The following MOGAT1 variants were observed in gnomAD, a reference collection of about 807,000 sequenced individuals.
MOGAT1 encodes the protein 2-acylglycerol O-acyltransferase 1.
MOGAT1 carries 32 observed loss-of-function variants against 31.4 expected under a neutral mutation model. The observed-to-expected ratio is 1.02, with a 90% CI of 0.77 to 1.37. The LOEUF is 1.37. MOGAT1 is among the 40% of genes most tolerant of loss of function. The probability of loss-of-function intolerance (pLI) is 0.00; values close to 1 mark genes in which losing one functional copy is unlikely to be tolerated. For synonymous variants in MOGAT1, 145 were observed against 144.5 expected, an observed-to-expected ratio of 1.00 and a Z score of -0.03; for missense variants, 426 against 402.0, an observed-to-expected ratio of 1.06 and a Z score of -0.51.
intron 1 of MOGAT1, among the ~76,000 whole-genome samples, chr2:222,677,281 CAT>C (rs1218999980): frequency 4.6e-5 from 7 of 152,246 alleles, no homozygotes; most frequent in Admixed American, 6.5e-5. Context: ...TGCTCATAAA[CAT>C]ATAAAAATAC....
chr2:222,704,660 A>T (rs909433806), intron 5 of MOGAT1, among the ~76,000 whole-genome samples: 1 of 152,094 alleles, frequency 6.6e-6, no homozygotes, highest in Non-Finnish European at 1.5e-5. Context: ...ATTTGCAATA[A>T]CTCACTATGG....
At chr2:222,699,715 G>A (rs1408860847) in intron 5 of MOGAT1, among the ~76,000 whole-genome samples, 2 of 151,724 alleles carry the variant, frequency 1.3e-5, no homozygotes, top group Non-Finnish European at 1.5e-5. Flanking sequence ...AGCCAGGATG[G>A]TCTTGATCTC....
At chr2:222,689,871 G>C (rs1469216001) in intron 3 of MOGAT1, among the ~76,000 whole-genome samples, 2 of 152,232 alleles carry the variant, frequency 1.3e-5, no homozygotes, top group Non-Finnish European at 2.9e-5. Flanking sequence ...AATGGAAAAT[G>C]TCTTTCATTG....
At chr2:222,681,962 C>A (rs956331966) in intron 1 of MOGAT1, among the ~76,000 whole-genome samples, 14 of 152,128 alleles carry the variant, frequency 9.2e-5, no homozygotes, top group Non-Finnish European at 1.9e-4. Context: ...AACAATACTG[C>A]GTTATATACT....
At chr2:222,684,532 A>G (rs1162705553) in intron 1 of MOGAT1, among the ~76,000 whole-genome samples, 1 of 152,200 alleles carries the variant, frequency 6.6e-6, no homozygotes, top group Non-Finnish European at 1.5e-5. Flanking sequence ...GCAAAATATC[A>G]AAGTGTATCA....
At chr2:222,678,896 G>A (rs1458190573) in intron 1 of MOGAT1, among the ~76,000 whole-genome samples, 9 of 152,102 alleles carry the variant, frequency 5.9e-5, no homozygotes, top group African/African-American at 1.2e-4. Flanking sequence ...AGCTGAGATC[G>A]TGCCATTGCA....
intron 1 of MOGAT1, among the ~76,000 whole-genome samples, chr2:222,687,665 C>T (rs1692694206): frequency 6.6e-6 from 1 of 152,210 alleles, no homozygotes; most frequent in South Asian, 2.1e-4. Context: ...CTCATTATCA[C>T]ATGTTGCAAG....
intron 3 of MOGAT1, among the ~76,000 whole-genome samples, chr2:222,694,116 G>A (rs969544509): frequency 1.1e-4 from 17 of 152,136 alleles, no homozygotes; most frequent in Admixed American, 8.5e-4. Context: ...CAAACAAGTG[G>A]TAGACCTAGT....
chr2:222,696,417 A>T (rs1330374647), intron 5 of MOGAT1, among the ~76,000 whole-genome samples: 2 of 152,074 alleles, frequency 1.3e-5, no homozygotes, highest in African/African-American at 4.8e-5. Flanking sequence ...CTGCATCCAC[A>T]CCAACATCTA....
intron 5 of MOGAT1, among the ~76,000 whole-genome samples, chr2:222,701,968 A>T (rs1692936480): frequency 6.6e-6 from 1 of 152,224 alleles, no homozygotes; most frequent in Admixed American, 6.5e-5. Flanking sequence ...TATTATGGGG[A>T]TTAAATGTCA....
chr2:222,689,317 AC>A lies in MOGAT1; in HGVS notation c.331del (p.His111MetfsTer3), dbSNP rs1692724285. On this transcript the variant is annotated frameshift_variant, in exon 3 of 6. Coordinates refer to ENST00000446656, the MANE Select transcript of MOGAT1 (RefSeq NM_058165.3). LOFTEE classifies it high-confidence loss of function. ...DPSHNYIFGF[H>X]PHGIMAVGAF... The stretch of plus-strand genomic sequence containing the variant: ...AGTCACAACTATATATTTGGGTTTC[AC>A]CCCCATGGAATAATGGCAGTTGGAG... The A allele has an allele frequency of 1.9e-6, 3 of 1,613,996 alleles. No individual in the cohort carries two copies. The African/African-American group carries it at 4.0e-5, about 22-fold the overall frequency.
At chr2:222,684,605 C>G (rs1217832468) in intron 1 of MOGAT1, among the ~76,000 whole-genome samples, 1 of 152,004 alleles carries the variant, frequency 6.6e-6, no homozygotes, top group Non-Finnish European at 1.5e-5. Context: ...GAGACAGAGT[C>G]TTGCCCTGTC....
At chr2:222,695,764 A>ATT (rs543512528) in intron 5 of MOGAT1, among the ~76,000 whole-genome samples, 5 of 149,262 alleles carry the variant, frequency 3.3e-5, no homozygotes, top group Non-Finnish European at 7.4e-5. Flanking sequence ...CTATAGACTT[A>ATT]TTTTTTTTTT....
chr2:222,694,480 G>T lies in MOGAT1; in HGVS notation c.597G>T (p.Lys199Asn). Residue 199 changes from lysine to asparagine, a missense_variant, in exon 4 of 6, where the codon AAG (lysine) becomes AAT (asparagine). By Grantham distance (94) the Lys-to-Asn change is moderately conservative. Coordinates refer to ENST00000446656, the MANE Select transcript of MOGAT1 (RefSeq NM_058165.3). ...AATCACTGGATGCTCATCCTGGAAA[G>T]TTCACTCTGTTCATCCGCCAGCGGA... ...AKESLDAHPG[K>N]FTLFIRQRKG... The T allele has an allele frequency of 1.9e-6, 3 of 1,613,936 alleles. No individual in the cohort carries two copies. The highest frequency in any genetic ancestry group is 2.5e-6 in the Non-Finnish European group (3 of 1,179,852).
At chr2:222,690,377 T>G (rs962291981) in intron 3 of MOGAT1, among the ~76,000 whole-genome samples, 3 of 151,924 alleles carry the variant, frequency 2.0e-5, no homozygotes. Flanking sequence ...CTTGCCAACA[T>G]AGTGAAACCC....
At chr2:222,698,649 G>C (rs1692872340) in intron 5 of MOGAT1, 1 of 152,222 alleles carries the variant, frequency 6.6e-6, no homozygotes, top group South Asian at 2.1e-4. Flanking sequence ...GTTCAGGGAG[G>C]CTAATGGAGG....
intron 3 of MOGAT1, among the ~76,000 whole-genome samples, chr2:222,693,470 A>C (rs1480445776): frequency 7.2e-6 from 1 of 138,288 alleles, no homozygotes; most frequent in Non-Finnish European, 1.5e-5. Context: ...TTTTTTTTTA[A>C]CCATTTTGTA....
Position 222,709,915 on chromosome 2 carries a change from A to C in MOGAT1, c.*25A>C. On this transcript the variant is annotated 3_prime_UTR_variant, in exon 6 of 6. Coordinates refer to ENST00000446656, the MANE Select transcript of MOGAT1 (RefSeq NM_058165.3). ...ACTTGACTATAAAAAAAAATTAAAA[A>C]ATAAAAATAAATGACTTGGCTGTAA... 6.7e-7 allele frequency: 1 copy of C among 1,499,888 alleles called. No homozygotes were observed. Among genetic ancestry groups the C allele is most frequent in the Non-Finnish European group, 9.0e-7 (1 of 1,113,062 alleles). 92.9% of individuals were successfully genotyped at this position (1,499,888 alleles called of 1,614,324 possible). A position where few individuals can be genotyped will look rare whatever the true frequency, so the allele number is the denominator to read the frequency against.
At chr2:222,703,425 T>A (rs1159272812) in intron 5 of MOGAT1, among the ~76,000 whole-genome samples, 1 of 152,216 alleles carries the variant, frequency 6.6e-6, no homozygotes, top group Non-Finnish European at 1.5e-5. Flanking sequence ...TTTGTTTGTT[T>A]GTTTTTAGTG....
Sources: gnomAD v4.1 joint callset for allele counts (sites outside exome capture counted in the v4.1 genomes callset) on GRCh38, gnomAD v4.1.1 for gene constraint, MANE v1.5 for transcripts, NCBI Gene and HGNC (gene_info 2026-07-23, HGNC 2026-07-21) for gene names.